EXOC5: variants seen among roughly 807,000 people sequenced by gnomAD.
EXOC5 encodes SEC10-like 1.
In EXOC5, 17 loss-of-function variants were observed where a neutral mutation model predicts 90.8. That is an observed-to-expected ratio of 0.19 (90% CI 0.13 to 0.28). The LOEUF (loss-of-function observed/expected upper bound fraction) is 0.28, where lower values mean the gene tolerates loss of function less well. Among genes scored for constraint, EXOC5 ranks in the 10% least tolerant of loss-of-function variants. The pLI is 1.00. For missense variants in EXOC5, 569 were observed against 830.6 expected (o/e 0.69, Z 3.87); for synonymous variants, 260 against 270.0 (o/e 0.96, Z 0.36).
chr14:57,241,328 C>T (rs766570564), intron 4 of EXOC5, among the ~76,000 whole-genome samples: 1 of 152,196 alleles, frequency 6.6e-6, no homozygotes, highest in South Asian at 2.1e-4. Context: ...CAAACACTCA[C>T]TCTGTCCTGT....
chr14:57,238,373 T>TATAC (rs1229720375), intron 5 of EXOC5, among the ~76,000 whole-genome samples: 1 of 79,914 alleles, frequency 1.3e-5, no homozygotes, highest in Non-Finnish European at 3.0e-5. Flanking sequence ...TATATATATA[T>TATAC]ATACACACAC....
intron 15 of EXOC5, among the ~76,000 whole-genome samples, chr14:57,217,424 C>G (rs1883006274): frequency 6.6e-6 from 1 of 152,100 alleles, no homozygotes; most frequent in Non-Finnish European, 1.5e-5. Context: ...TTTTGGTAAT[C>G]CTTACAATAT....
intron 17 of EXOC5, 39 bp downstream of exon 17, chr14:57,209,528 G>T: frequency 9.0e-7 from 1 of 1,115,270 alleles, no homozygotes; most frequent in South Asian, 1.3e-5. Flanking sequence ...TTATGCTCCT[G>T]GGCCTATTTG....
At chr14:57,211,985 G>A (rs1468571451) in intron 15 of EXOC5, among the ~76,000 whole-genome samples, 1 of 152,090 alleles carries the variant, frequency 6.6e-6, no homozygotes, top group Non-Finnish European at 1.5e-5. Context: ...TCAGCCTCCT[G>A]AGTAGCTGGG....
rs1224423132 is a variant in EXOC5 at position 57,233,805 on chromosome 14, A to C, written c.793T>G (p.Phe265Val). 1 of 1,602,400 alleles carries C rather than the reference A, an allele frequency of 6.2e-7. No individual in the cohort carries two copies. The highest frequency in any genetic ancestry group is 1.7e-5 in the Admixed American group (1 of 59,976). The stretch of plus-strand genomic sequence containing the variant: ...GCCAGGACTGTTTCTGGATTACTGA[A>C]GATATCTCCAACTTGTTTGTTCACT... The part of the protein sequence containing the change: ...QRVNKQVGDI[F>V]SNPETVLAKL... The change falls in exon 9 of 18, where the codon TTC becomes GTC. Residue 265 changes from phenylalanine to valine, a missense_variant. Transcript: ENST00000621441.
At chr14:57,233,635 C>T (rs934339748) in intron 9 of EXOC5, 108 bp downstream of exon 9, 25 of 670,270 alleles carry the variant, frequency 3.7e-5, no homozygotes, top group Non-Finnish European at 6.2e-5. Context: ...ATTACTATTT[C>T]TAAGGTCATT....
chr14:57,239,675 T>G lies in EXOC5; in HGVS notation c.466-16A>C. ...CTTCCTTTATCTATGAAAAAATAAA[T>G]AAAAGCAATAATTTAAAAAACTTTT... is the stretch of plus-strand genomic sequence containing the variant. On this transcript the variant is annotated splice_polypyrimidine_tract_variant and intron_variant, in intron 4 of 17. Coordinates refer to ENST00000621441, the MANE Select transcript of EXOC5 (RefSeq NM_006544.4). 6.8e-7 allele frequency: 1 copy of G among 1,461,740 alleles called. No homozygotes were observed. The highest frequency in any genetic ancestry group is 9.2e-7 in the Non-Finnish European group (1 of 1,090,864). 90.5% of individuals were successfully genotyped at this position (1,461,740 alleles called of 1,614,324 possible). A position where few individuals can be genotyped will look rare whatever the true frequency, so the allele number is the denominator to read the frequency against.
Position 57,212,950 on chromosome 14 carries a change from T to G in EXOC5, c.1614-2889A>C, listed in dbSNP as rs575559086. 5.3e-5 allele frequency among the ~76,000 whole-genome samples: 8 copies of G among 152,332 alleles called. No homozygotes were observed. The South Asian group carries it at 1.7e-3, about 32-fold the overall frequency. On this transcript the variant is annotated intron_variant, in intron 15 of 17. Coordinates refer to ENST00000621441, the MANE Select transcript of EXOC5 (RefSeq NM_006544.4). The stretch of plus-strand genomic sequence containing the variant: ...TTATGCAGTGTTTTTATATTTTTCA[T>G]TAACTTCTGTTCATCACTTTCAGCA...
chr14:57,231,680 T>C lies in EXOC5; in HGVS notation c.974A>G (p.Asn325Ser). 1.2e-6 allele frequency: 2 copies of C among 1,610,804 alleles called. No homozygotes were observed. The highest frequency in any genetic ancestry group is 1.1e-5 in the South Asian group (1 of 90,060). The change falls in exon 11 of 18, where the codon AAT (asparagine) becomes AGT (serine). Residue 325 changes from asparagine (N) to serine (S), a missense_variant. Around this residue, in one of 9 missense-constraint regions of EXOC5, gnomAD observed 114 missense variants for 111.2 expected, o/e 1.03. Transcript: ENST00000621441. ...GAAAGTCTGTTTATCAGTACCTAAA[T>C]TAAACTCCATCAGCTTGCTGGAAAG... ...TNLSSKLMEF[N>S]LGTDKQTFLS...
chr14:57,238,709 A>G (rs1375805000), intron 5 of EXOC5, among the ~76,000 whole-genome samples: 1 of 152,030 alleles, frequency 6.6e-6, no homozygotes, highest in Admixed American at 6.6e-5. Flanking sequence ...CAGAGTTGAG[A>G]ATAAAATAGA....
intron 12 of EXOC5, among the ~76,000 whole-genome samples, chr14:57,228,948 A>G (rs1883397815): frequency 1.3e-5 from 2 of 151,578 alleles, no homozygotes; most frequent in Admixed American, 1.3e-4. Flanking sequence ...TGCTAGTAGT[A>G]TCATTTACAA....
At chr14:57,211,455 C>T (rs1882822633) in intron 15 of EXOC5, among the ~76,000 whole-genome samples, 1 of 152,182 alleles carries the variant, frequency 6.6e-6, no homozygotes, top group South Asian at 2.1e-4. Context: ...ATCCTCTTCA[C>T]TGAACATAGT....
intron 10 of EXOC5, 162 bp from the exon 11 acceptor site, chr14:57,231,877 G>T: frequency 1.8e-6 from 1 of 563,180 alleles, no homozygotes; most frequent in South Asian, 2.3e-5. Flanking sequence ...AACTCTACAG[G>T]GTTACATATA....
chr14:57,203,229 G>A lies in EXOC5; in HGVS notation c.*5380C>T, dbSNP rs1041200640. On this transcript the variant is annotated 3_prime_UTR_variant, in exon 18 of 18. Transcript: ENST00000621441. ...CCTCCCAAGTAGCTGGGAAGCTGCA[G>A]ACTTGATAAAAGTGCTACAATAAAA... 2.0e-5 allele frequency: 3 copies of A among 152,152 alleles called. No homozygotes were observed. Among genetic ancestry groups the A allele is most frequent in the Non-Finnish European group, 1.5e-5 (1 of 68,030 alleles). The allele number at this position is 152,152 out of a possible 1,614,324, so 9.4% of individuals were successfully genotyped here.
chr14:57,214,888 A>G (rs1882927418), intron 15 of EXOC5, among the ~76,000 whole-genome samples: 2 of 152,174 alleles, frequency 1.3e-5, no homozygotes, highest in Non-Finnish European at 2.9e-5. Flanking sequence ...CTGAAGTCAG[A>G]AAAATCCCAG....
At chr14:57,235,989 G>A (rs528500425) in intron 6 of EXOC5, among the ~76,000 whole-genome samples, 169 bp from the exon 7 acceptor site, 4 of 152,232 alleles carry the variant, frequency 2.6e-5, no homozygotes, top group African/African-American at 7.2e-5. Context: ...AATATACTGT[G>A]GCATATAAAT....
intron 1 of EXOC5, among the ~76,000 whole-genome samples, chr14:57,255,097 A>C (rs1291726406): frequency 6.6e-6 from 1 of 152,200 alleles, no homozygotes; most frequent in Non-Finnish European, 1.5e-5. Context: ...TTTGCTTGGC[A>C]TTAGCACTCT....
At chr14:57,258,840 A>G (rs1884420989) in intron 1 of EXOC5, among the ~76,000 whole-genome samples, 1 of 152,162 alleles carries the variant, frequency 6.6e-6, no homozygotes, top group Non-Finnish European at 1.5e-5. Context: ...GATCCAATAC[A>G]ATGTGTTGGA....
chr14:57,209,005 G>C (rs886153093), intron 17 of EXOC5, among the ~76,000 whole-genome samples: 1 of 152,126 alleles, frequency 6.6e-6, no homozygotes, highest in African/African-American at 2.4e-5. Context: ...AAAGATTCAT[G>C]TGTCAATTCT....
Sources: allele counts gnomAD v4.1 joint callset (sites outside exome capture counted in the v4.1 genomes callset), GRCh38; gene constraint gnomAD v4.1.1; regional missense constraint gnomAD v4.1.1; transcripts MANE v1.5; gene names NCBI Gene and HGNC (gene_info 2026-07-23, HGNC 2026-07-21).